The following PCDH11X variants were observed in gnomAD, a reference collection of about 807,000 sequenced individuals.
PCDH11X encodes the protein protocadherin 11 X-linked.
PCDH11X carries 18 observed loss-of-function variants against 53.3 expected under a neutral mutation model. The observed-to-expected ratio is 0.34, with a 90% CI of 0.23 to 0.50. PCDH11X has a LOEUF of 0.50. Ranked by LOEUF, PCDH11X falls within the 20% of genes least tolerant of loss-of-function variation. The pLI, the probability that PCDH11X is intolerant of heterozygous loss-of-function variation, is 0.98. For synonymous variants in PCDH11X, 279 were observed against 393.3 expected, an observed-to-expected ratio of 0.71 and a Z score of 3.44; for missense variants, 570 against 1,032.4, an observed-to-expected ratio of 0.55 and a Z score of 6.14.
At chrX:91,978,222 G>A (rs112151579) in intron 6 of PCDH11X, among the ~76,000 whole-genome samples, 1,885 of 109,249 alleles carry the variant, frequency 0.017, 36 homozygotes, top group African/African-American at 0.058. Context: ...CCGTTAGCCT[G>A]AGTGGTCTTT....
chrX:91,945,689 AT>A (rs1349335751), intron 6 of PCDH11X, among the ~76,000 whole-genome samples: 1 of 107,072 alleles, frequency 9.3e-6, no homozygotes, highest in African/African-American at 3.4e-5. Context: ...TAAGTAAAAA[AT>A]AATGGTAAAT....
At chrX:92,129,317 G>A (rs1477917096) in intron 6 of PCDH11X, among the ~76,000 whole-genome samples, 1 of 110,674 alleles carries the variant, frequency 9.0e-6, no homozygotes, top group Non-Finnish European at 1.9e-5. Context: ...CTTGAACCTG[G>A]GAGGCAGAAG....
chrX:92,524,629 A>G (rs2074419458), intron 10 of PCDH11X, among the ~76,000 whole-genome samples: 1 of 103,827 alleles, frequency 9.6e-6, no homozygotes, highest in African/African-American at 3.5e-5. Context: ...TTCAGCATGA[A>G]TTTGACCTTT....
At chrX:92,373,246 C>T (rs1456751749) in intron 8 of PCDH11X, among the ~76,000 whole-genome samples, 2 of 111,315 alleles carry the variant, frequency 1.8e-5, no homozygotes, top group East Asian at 5.6e-4. Context: ...CTGTATTGGA[C>T]AAAATGTAGT....
At chrX:92,150,177 GT>G (rs1459855715) in intron 6 of PCDH11X, among the ~76,000 whole-genome samples, 4 of 111,597 alleles carry the variant, frequency 3.6e-5, no homozygotes, top group Non-Finnish European at 7.5e-5. Context: ...AAGTGCCAAA[GT>G]TTTTTTCATA....
At chrX:92,075,207 T>C (rs1211898586) in intron 6 of PCDH11X, among the ~76,000 whole-genome samples, 1 of 109,810 alleles carries the variant, frequency 9.1e-6, no homozygotes, top group Non-Finnish European at 1.9e-5. Context: ...GAGGCCTCTA[T>C]TGGAATTCTA....
chrX:92,115,331 C>A (rs2064617087), intron 6 of PCDH11X, among the ~76,000 whole-genome samples: 1 of 109,748 alleles, frequency 9.1e-6, no homozygotes, highest in South Asian at 3.9e-4. Context: ...ACTCATAGAC[C>A]ACAAGTTTTG....
intron 6 of PCDH11X, among the ~76,000 whole-genome samples, chrX:91,884,802 T>C (rs1940124100): frequency 9.1e-6 from 1 of 109,877 alleles, no homozygotes; most frequent in Admixed American, 9.8e-5. Flanking sequence ...ATATGCTTCC[T>C]GAATTTTAAT....
chrX:91,920,744 C>G (rs1177388116), intron 6 of PCDH11X, among the ~76,000 whole-genome samples: 1 of 109,861 alleles, frequency 9.1e-6, no homozygotes. Context: ...AGAAAAAAAT[C>G]CCTCTATTTT....
chrX:91,929,862 CA>C (rs1942065961), intron 6 of PCDH11X, among the ~76,000 whole-genome samples: 1 of 110,701 alleles, frequency 9.0e-6, no homozygotes, highest in Non-Finnish European at 1.9e-5. Flanking sequence ...CAATGTTTTG[CA>C]AATATATGAC....
intron 10 of PCDH11X, among the ~76,000 whole-genome samples, chrX:92,581,702 CT>C (rs1923728244): frequency 8.9e-6 from 1 of 111,878 alleles, no homozygotes; most frequent in African/African-American, 3.3e-5. Context: ...TGGGACATGA[CT>C]TTGGTATTAA....
intron 7 of PCDH11X, among the ~76,000 whole-genome samples, chrX:92,240,745 C>T (rs2067248831): frequency 9.0e-6 from 1 of 111,512 alleles, no homozygotes; most frequent in Non-Finnish European, 1.9e-5. Flanking sequence ...GGTCAACTTT[C>T]CCAATCATAA....
chrX:92,425,061 A>C (rs1451667448), intron 9 of PCDH11X, among the ~76,000 whole-genome samples: 6 of 75,681 alleles, frequency 7.9e-5, no homozygotes, highest in African/African-American at 2.1e-4. Context: ...GTGTTGGAGA[A>C]ACTGCAAACT....
At chrX:91,782,228 G>C (rs1178865051) in intron 1 of PCDH11X, among the ~76,000 whole-genome samples, 1 of 109,129 alleles carries the variant, frequency 9.2e-6, no homozygotes, top group Non-Finnish European at 1.9e-5. Flanking sequence ...CGCCAGAGGC[G>C]GGGGTGGCCA....
intron 9 of PCDH11X, among the ~76,000 whole-genome samples, chrX:92,438,242 G>C (rs1013298536): frequency 1.8e-5 from 2 of 111,593 alleles, no homozygotes; most frequent in Non-Finnish European, 3.8e-5. Context: ...TTTAAAAATT[G>C]CATGTATATT....
intron 8 of PCDH11X, among the ~76,000 whole-genome samples, chrX:92,318,503 G>A (rs2069128635): frequency 1.8e-5 from 2 of 110,851 alleles, no homozygotes; most frequent in African/African-American, 6.6e-5. Context: ...ATACTGGGTA[G>A]TTGAGATTTG....
At chrX:92,053,623 T>C (rs1309124920) in intron 6 of PCDH11X, among the ~76,000 whole-genome samples, 7 of 104,403 alleles carry the variant, frequency 6.7e-5, no homozygotes, top group African/African-American at 2.5e-4. Flanking sequence ...CAGGCTGGAG[T>C]ACAGTGGCAC....
At chrX:92,491,249 A>G (rs754914190) in intron 10 of PCDH11X, among the ~76,000 whole-genome samples, 1 of 111,246 alleles carries the variant, frequency 9.0e-6, no homozygotes, top group African/African-American at 3.3e-5. Flanking sequence ...GAGAATGCAT[A>G]CTACATAATA....
chrX:92,467,979 C>T (rs1603337673), intron 9 of PCDH11X, among the ~76,000 whole-genome samples: 3 of 111,442 alleles, frequency 2.7e-5, no homozygotes. Flanking sequence ...TCACAGGCGA[C>T]GAAGCTAGAA....
Sources: gnomAD v4.1 joint callset for allele counts (sites outside exome capture counted in the v4.1 genomes callset) on GRCh38, gnomAD v4.1.1 for gene constraint, MANE v1.5 for transcripts, NCBI Gene and HGNC (gene_info 2026-07-23, HGNC 2026-07-21) for gene names.